The following HIVEP3 variants were observed in gnomAD, a reference collection of about 807,000 sequenced individuals.
The protein encoded by HIVEP3 is transcription factor HIVEP3.
Under a neutral mutation model 152.8 loss-of-function variants are expected in HIVEP3, and 49 were observed. That is an observed-to-expected ratio of 0.32 (90% confidence interval 0.26 to 0.41). The LOEUF (loss-of-function observed/expected upper bound fraction) is 0.41. Ranked by LOEUF, HIVEP3 falls within the 10% of genes least tolerant of loss-of-function variation. The pLI, the probability that HIVEP3 is intolerant of heterozygous loss-of-function variation, is 1.00. For synonymous variants in HIVEP3, 1,269 were observed against 1,289.0 expected (o/e 0.98, Z 0.33); for missense variants, 2,790 against 3,103.3 (o/e 0.90, Z 2.40).
chr1:41,646,253 AG>A (rs1225640133), intron 2 of HIVEP3, among the ~76,000 whole-genome samples: 2 of 152,312 alleles, frequency 1.3e-5, no homozygotes, highest in African/African-American at 4.8e-5. Context: ...CCTATGGAGA[AG>A]GAAGGAGGGA....
chr1:41,766,830 T>C (rs1053881747), intron 1 of HIVEP3, among the ~76,000 whole-genome samples: 1 of 152,206 alleles, frequency 6.6e-6, no homozygotes, highest in South Asian at 2.1e-4. Flanking sequence ...CTCAGCCTTG[T>C]GGAAGCCATG....
At chr1:41,965,748 G>A (rs541481305) in intron 1 of HIVEP3, among the ~76,000 whole-genome samples, 5 of 152,264 alleles carry the variant, frequency 3.3e-5, no homozygotes, top group South Asian at 4.1e-4. Flanking sequence ...CCAAACCTAC[G>A]ACTGATTGGG....
At chr1:41,545,609 C>T (rs1395296666) in intron 5 of HIVEP3, among the ~76,000 whole-genome samples, 1 of 139,770 alleles carries the variant, frequency 7.2e-6, no homozygotes, top group Non-Finnish European at 1.6e-5. Flanking sequence ...CCACCACCAT[C>T]ACCACCACTA....
chr1:41,551,000 T>C (rs761159847), intron 5 of HIVEP3, among the ~76,000 whole-genome samples: 5 of 152,358 alleles, frequency 3.3e-5, no homozygotes, highest in Non-Finnish European at 7.3e-5. Flanking sequence ...CTGTATGATA[T>C]TGGCTGTGGG....
At position 41,896,920 on chromosome 1, in the gene HIVEP3, C is replaced by A. The variant is rs116079971; in HGVS notation, c.-801+21493G>T. ...TCCAGTTCTCCTGTCTCAAAGAGGT[C>A]TATCACATGGTCTTTGGAAAGAAGT... On this transcript the variant is annotated intron_variant, in intron 1 of 8. Transcript: ENST00000372583. Among the ~76,000 whole-genome samples the A allele has an allele frequency of 3.8e-3, 586 of 152,276 alleles. 3 individuals carry two copies. Among genetic ancestry groups the A allele is most frequent in the African/African-American group, 0.013 (535 of 41,564 alleles).
At chr1:41,591,892 C>T (rs750263926) in intron 3 of HIVEP3, among the ~76,000 whole-genome samples, 12 of 152,114 alleles carry the variant, frequency 7.9e-5, no homozygotes, top group Non-Finnish European at 1.3e-4. Context: ...ACCGACCCAA[C>T]GAGAGCGGGC....
At chr1:41,828,365 ACT>A (rs1236746874) in intron 1 of HIVEP3, among the ~76,000 whole-genome samples, 3 of 152,078 alleles carry the variant, frequency 2.0e-5, no homozygotes, top group Non-Finnish European at 2.9e-5. Context: ...CCAGGGATTT[ACT>A]CTCCTTATTT....
intron 3 of HIVEP3, among the ~76,000 whole-genome samples, chr1:41,605,555 A>T (rs1343317746): frequency 1.3e-5 from 2 of 152,104 alleles, no homozygotes; most frequent in Non-Finnish European, 2.9e-5. Flanking sequence ...AGAAAAAAGA[A>T]CCAAAAAGAT....
At chr1:41,816,641 T>G (rs1268322064) in intron 1 of HIVEP3, among the ~76,000 whole-genome samples, 1 of 152,220 alleles carries the variant, frequency 6.6e-6, no homozygotes, top group Non-Finnish European at 1.5e-5. Flanking sequence ...ATCCCACCAC[T>G]GCACTCCAGC....
chr1:41,856,840 T>C (rs2124391962), intron 1 of HIVEP3, among the ~76,000 whole-genome samples: 1 of 152,264 alleles, frequency 6.6e-6, no homozygotes, highest in Non-Finnish European at 1.5e-5. Context: ...CCAGGAACAC[T>C]ATCGGCAGGA....
intron 1 of HIVEP3, among the ~76,000 whole-genome samples, chr1:41,852,165 T>G (rs1288566139): frequency 6.6e-6 from 1 of 152,264 alleles, no homozygotes; most frequent in Non-Finnish European, 1.5e-5. Flanking sequence ...TTTGCCTTCC[T>G]TAGTTCTACC....
Position 41,510,487 on chromosome 1 carries a change from T to C in HIVEP3, c.7185A>G (p.Pro2395=), listed in dbSNP as rs1644433992. The part of the protein sequence containing the change: ...PSGSGEPRAH[P]HQPEDRVPPN... Reference sequence around the variant, plus strand: ...GGGGAACCCTGTCCTCAGGCTGATGTGGATGTGCCCTGGGCTCCCCACTTC... The same window carrying C: ...GGGGAACCCTGTCCTCAGGCTGATGCGGATGTGCCCTGGGCTCCCCACTTC... Residue 2395 remains proline (P), a synonymous_variant, in exon 9 of 9, where the codon CCA becomes CCG. Coordinates refer to ENST00000372583, the MANE Select transcript of HIVEP3 (RefSeq NM_024503.5). The C allele has an allele frequency of 1.3e-6, 2 of 1,569,024 alleles. No individual in the cohort carries two copies. Among genetic ancestry groups the C allele is most frequent in the African/African-American group, 1.4e-5 (1 of 73,058 alleles).
At chr1:41,680,053 A>C (rs1348966075) in intron 2 of HIVEP3, among the ~76,000 whole-genome samples, 1 of 152,184 alleles carries the variant, frequency 6.6e-6, no homozygotes, top group African/African-American at 2.4e-5. Context: ...TCCTGCCCTG[A>C]AGGGGAGATG....
intron 1 of HIVEP3, among the ~76,000 whole-genome samples, chr1:41,798,153 T>A (rs1169421613): frequency 6.7e-6 from 1 of 148,960 alleles, no homozygotes; most frequent in African/African-American, 2.5e-5. Flanking sequence ...GTGCGGGGAG[T>A]GGGGAGGGAT....
In HIVEP3 at chr1:41,580,885, G is replaced by A. The variant is rs748047277; in HGVS notation, c.3913C>T (p.Leu1305=). 6.2e-7 allele frequency: 1 copy of A among 1,610,606 alleles called. No individual in the cohort carries two copies. The highest frequency in any genetic ancestry group is 1.1e-5 in the South Asian group (1 of 89,978). ...GTGTCTGGACAGGCAGGCAGGGCCA[G>A]TGGAGGAGCTGATGTAGGTGCTGAG... ...SSSAPTSAPP[L]ALPACPDTMV... is the part of the protein sequence containing the mutation. Residue 1305 remains leucine (L), a synonymous_variant, in exon 4 of 9, where the codon CTG becomes TTG. Transcript: ENST00000372583.
chr1:41,641,725 C>A (rs955208770), intron 2 of HIVEP3, among the ~76,000 whole-genome samples: 1 of 152,234 alleles, frequency 6.6e-6, no homozygotes, highest in Non-Finnish European at 1.5e-5. Context: ...TGACAGGAGC[C>A]AGTTGCTACG....
At chr1:41,907,495 C>T (rs181547368) in intron 1 of HIVEP3, among the ~76,000 whole-genome samples, 17 of 152,248 alleles carry the variant, frequency 1.1e-4, no homozygotes, top group African/African-American at 3.8e-4. Flanking sequence ...GTTCACTTCT[C>T]GCTGGATGAG....
At chr1:41,654,691 C>T (rs1291048773) in intron 2 of HIVEP3, among the ~76,000 whole-genome samples, 2 of 152,224 alleles carry the variant, frequency 1.3e-5, no homozygotes, top group African/African-American at 2.4e-5. Context: ...CAGTATACAA[C>T]ATGGTATTAA....
At chr1:41,981,215 A>G (rs1232345268) in intron 1 of HIVEP3, among the ~76,000 whole-genome samples, 1 of 152,222 alleles carries the variant, frequency 6.6e-6, no homozygotes, top group East Asian at 1.9e-4. Flanking sequence ...AAAGGGAGCA[A>G]GCTCTTACAG....
Sources: gnomAD v4.1 joint callset for allele counts (sites outside exome capture counted in the v4.1 genomes callset) on GRCh38, gnomAD v4.1.1 for gene constraint, MANE v1.5 for transcripts, NCBI Gene and HGNC (gene_info 2026-07-23, HGNC 2026-07-21) for gene names.